The following B3GALT1 variants were observed in gnomAD, a reference collection of about 807,000 sequenced individuals.
The protein encoded by B3GALT1 is beta-1,3-galactosyltransferase 1, also known as UDP-Gal:betaGlcNAc beta 1,3-galactosyltransferase, polypeptide 1.
Under a neutral mutation model 23.2 loss-of-function variants are expected in B3GALT1, and 10 were observed. The observed-to-expected ratio is 0.43, with a 90% CI of 0.27 to 0.73. B3GALT1 has a LOEUF of 0.73. Among genes scored for constraint, B3GALT1 ranks in the 30% least tolerant of loss-of-function variants. The pLI is 0.21. For missense variants in B3GALT1, 299 were observed against 405.4 expected (o/e 0.74, Z 2.25); for synonymous variants, 156 against 141.5 (o/e 1.10, Z -0.73).
intron 4 of B3GALT1, among the ~76,000 whole-genome samples, chr2:167,862,432 T>A (rs1690119977): frequency 6.6e-6 from 1 of 152,212 alleles, no homozygotes; most frequent in Non-Finnish European, 1.5e-5. Flanking sequence ...GTTTTCGTCC[T>A]ATTTAGGCCT....
intron 1 of B3GALT1, among the ~76,000 whole-genome samples, chr2:167,354,979 A>G (rs1697378699): frequency 6.6e-6 from 1 of 152,110 alleles, no homozygotes; most frequent in South Asian, 2.1e-4. Flanking sequence ...CTTATTAGAC[A>G]CCTCCTTATC....
intron 2 of B3GALT1, among the ~76,000 whole-genome samples, chr2:167,631,236 T>A (rs527496122): frequency 6.6e-6 from 1 of 151,864 alleles, no homozygotes; most frequent in Non-Finnish European, 1.5e-5. Context: ...CTGAAACCAA[T>A]GATTCTGTGC....
chr2:167,489,038 A>G (rs1316673672), intron 1 of B3GALT1, among the ~76,000 whole-genome samples: 2 of 152,070 alleles, frequency 1.3e-5, no homozygotes, highest in Non-Finnish European at 2.9e-5. Flanking sequence ...CCAATCTACA[A>G]CTATGTGCTT....
chr2:167,446,438 G>T (rs1698992833), intron 1 of B3GALT1, among the ~76,000 whole-genome samples: 1 of 152,138 alleles, frequency 6.6e-6, no homozygotes, highest in African/African-American at 2.4e-5. Context: ...AAGTTCTCCT[G>T]GATAATATCG....
At chr2:167,795,828 C>T (rs1264147438) in intron 3 of B3GALT1, among the ~76,000 whole-genome samples, 3 of 152,174 alleles carry the variant, frequency 2.0e-5, no homozygotes, top group Admixed American at 6.5e-5. Context: ...TTTGAATGGT[C>T]AGCAATGCAG....
chr2:167,447,059 T>A (rs977395682), intron 1 of B3GALT1, among the ~76,000 whole-genome samples: 2 of 152,188 alleles, frequency 1.3e-5, no homozygotes, highest in African/African-American at 2.4e-5. Flanking sequence ...GTCCTTTCTG[T>A]TTGTTAGTTT....
At chr2:167,444,041 C>G (rs1448780378) in intron 1 of B3GALT1, among the ~76,000 whole-genome samples, 9 of 152,140 alleles carry the variant, frequency 5.9e-5, no homozygotes, top group Non-Finnish European at 1.3e-4. Context: ...AGATACATCC[C>G]ATCAATACCT....
chr2:167,475,738 G>A (rs1574095040), intron 1 of B3GALT1, among the ~76,000 whole-genome samples: 1 of 152,198 alleles, frequency 6.6e-6, no homozygotes, highest in Admixed American at 6.5e-5. Flanking sequence ...ACCACATACT[G>A]GCGGGCTCAA....
At chr2:167,331,717 G>A (rs1329903767) in intron 1 of B3GALT1, among the ~76,000 whole-genome samples, 2 of 152,140 alleles carry the variant, frequency 1.3e-5, no homozygotes, top group Non-Finnish European at 2.9e-5. Flanking sequence ...GCCCCCTGGT[G>A]GTACCTAAAG....
chr2:167,701,518 A>G (rs866240535), intron 3 of B3GALT1, among the ~76,000 whole-genome samples: 2 of 152,228 alleles, frequency 1.3e-5, no homozygotes, highest in African/African-American at 4.8e-5. Flanking sequence ...GCATCAGCAG[A>G]GTAATGAAGG....
Position 167,868,929 on chromosome 2 carries a change from T to C in B3GALT1, c.-111T>C. The stretch of plus-strand genomic sequence containing the variant: ...ATGGACAATCTCCACCTCACGCTTC[T>C]CTATCAAACTTGAAGATTTATTAGT... On this transcript the variant is annotated 5_prime_UTR_variant, in exon 5 of 5. Coordinates refer to ENST00000392690, the MANE Select transcript of B3GALT1 (RefSeq NM_020981.4). 8 of 1,315,148 alleles carry C rather than the reference T, an allele frequency of 6.1e-6. No individual in the cohort carries two copies. The highest frequency in any genetic ancestry group is 8.3e-6 in the Non-Finnish European group (8 of 960,700). 81.5% of individuals were successfully genotyped at this position (1,315,148 alleles called of 1,614,324 possible).
At chr2:167,383,657 A>G (rs1201126870) in intron 1 of B3GALT1, among the ~76,000 whole-genome samples, 3 of 152,240 alleles carry the variant, frequency 2.0e-5, no homozygotes, top group Non-Finnish European at 4.4e-5. Context: ...CTAAGAAATT[A>G]TGAAACATTA....
intron 3 of B3GALT1, among the ~76,000 whole-genome samples, chr2:167,764,118 C>CT (rs981067020): frequency 6.6e-6 from 1 of 152,124 alleles, no homozygotes; most frequent in Non-Finnish European, 1.5e-5. Context: ...GAAAAGTTAT[C>CT]TTTTTTTAGA....
chr2:167,370,319 G>T (rs1416989209), intron 1 of B3GALT1, among the ~76,000 whole-genome samples: 1 of 152,150 alleles, frequency 6.6e-6, no homozygotes, highest in African/African-American at 2.4e-5. Flanking sequence ...TCTTGCAGGG[G>T]CATATATAAC....
intron 1 of B3GALT1, among the ~76,000 whole-genome samples, chr2:167,388,456 A>G (rs923941276): frequency 6.6e-6 from 1 of 152,190 alleles, no homozygotes; most frequent in African/African-American, 2.4e-5. Context: ...AGATAGTCAC[A>G]TGGAGTTGAT....
chr2:167,672,121 A>G (rs1686340426), intron 3 of B3GALT1, among the ~76,000 whole-genome samples: 1 of 152,086 alleles, frequency 6.6e-6, no homozygotes, highest in South Asian at 2.1e-4. Flanking sequence ...AAACTAAATA[A>G]TGTATTTGAA....
At chr2:167,833,402 A>G (rs1330654004) in intron 4 of B3GALT1, among the ~76,000 whole-genome samples, 1 of 152,220 alleles carries the variant, frequency 6.6e-6, no homozygotes, top group Non-Finnish European at 1.5e-5. Flanking sequence ...AAACAAAAAT[A>G]GAGGCACTAG....
intron 3 of B3GALT1, among the ~76,000 whole-genome samples, chr2:167,784,248 T>C (rs1160000525): frequency 1.3e-5 from 2 of 152,178 alleles, no homozygotes; most frequent in Non-Finnish European, 2.9e-5. Flanking sequence ...GGCTTCCGAT[T>C]ACCAGGAGAT....
At chr2:167,676,155 G>T (rs1686421172) in intron 3 of B3GALT1, among the ~76,000 whole-genome samples, 1 of 151,944 alleles carries the variant, frequency 6.6e-6, no homozygotes, top group Non-Finnish European at 1.5e-5. Flanking sequence ...CCCAGAGGCT[G>T]CAGCACCCCT....
Sources: gnomAD v4.1 joint callset for allele counts (sites outside exome capture counted in the v4.1 genomes callset) on GRCh38, gnomAD v4.1.1 for gene constraint, MANE v1.5 for transcripts, NCBI Gene and HGNC (gene_info 2026-07-23, HGNC 2026-07-21) for gene names.